The following ERG variants were observed in gnomAD, a reference collection of about 807,000 sequenced individuals.
The protein encoded by ERG is ETS transcription factor ERG.
In ERG, 9 loss-of-function variants were observed where a neutral mutation model predicts 55.3. That is an observed-to-expected ratio of 0.16 (90% CI 0.10 to 0.28). The LOEUF is 0.28. Ranked by LOEUF, ERG falls within the 10% of genes least tolerant of loss-of-function variation. The pLI, the probability that ERG is intolerant of heterozygous loss-of-function variation, is 1.00. For synonymous variants in ERG, 223 were observed against 237.3 expected (o/e 0.94, Z 0.55); for missense variants, 434 against 631.6 (o/e 0.69, Z 3.35).
chr21:38,383,147 T>C lies in ERG; in HGVS notation c.*256A>G, dbSNP rs1261710835. ...GTCCTTAAGACTTCATGCTTCTACATACACTGTCTTTTACAAGGTCAGTCC... is the reference window on the plus strand; with the variant it reads ...GTCCTTAAGACTTCATGCTTCTACACACACTGTCTTTTACAAGGTCAGTCC... On this transcript the variant is annotated 3_prime_UTR_variant, in exon 10 of 10. Coordinates refer to ENST00000288319, the MANE Select transcript of ERG (RefSeq NM_182918.4). This position sits in a 1 kb window ranked among gnomAD's most constrained non-coding sequence, Gnocchi z 5.7. The C allele has an allele frequency of 1.7e-6, 2 of 1,208,608 alleles. No homozygotes were observed. Among genetic ancestry groups the C allele is most frequent in the Non-Finnish European group, 2.1e-6 (2 of 971,152 alleles). 74.9% of individuals were successfully genotyped at this position (1,208,608 alleles called of 1,614,324 possible).
intron 2 of ERG, among the ~76,000 whole-genome samples, chr21:38,536,603 C>A (rs1219730421): frequency 1.3e-5 from 2 of 152,076 alleles, no homozygotes; most frequent in African/African-American, 4.8e-5. Context: ...TGTGTAGAAC[C>A]CAACACAGAG....
intron 1 of ERG, among the ~76,000 whole-genome samples, chr21:38,647,708 G>A (rs919148680): frequency 1.3e-5 from 2 of 152,152 alleles, no homozygotes; most frequent in Non-Finnish European, 2.9e-5. Context: ...GAAATACTAA[G>A]TTTTCTTTTA....
intron 1 of ERG, among the ~76,000 whole-genome samples, chr21:38,655,466 A>G (rs900689176): frequency 1.3e-5 from 2 of 152,218 alleles, no homozygotes; most frequent in Non-Finnish European, 2.9e-5. Flanking sequence ...AGCATTCAGC[A>G]TCTCCCACCA....
chr21:38,498,614 TTGA>T, upstream of ERG: 1 of 779,186 alleles, frequency 1.3e-6, no homozygotes, highest in Non-Finnish European at 1.8e-6. The surrounding 1 kb of genome is among the most constrained non-coding windows in gnomAD (Gnocchi z 4.6). Context: ...GTTGTTTTTC[TTGA>T]TGATATGCAG....
chr21:38,403,329 G>A (rs185172486), intron 4 of ERG, among the ~76,000 whole-genome samples, 177 bp downstream of exon 4: 11 of 152,156 alleles, frequency 7.2e-5, no homozygotes, highest in African/African-American at 2.2e-4. Context: ...AGGTGATGTG[G>A]CCAGGGTGTT....
At chr21:38,611,901 G>A (rs866992857) in intron 1 of ERG, among the ~76,000 whole-genome samples, 1 of 151,152 alleles carries the variant, frequency 6.6e-6, no homozygotes, top group East Asian at 1.9e-4. Flanking sequence ...TTTGTTTTCT[G>A]GTTTATAAAC....
At chr21:38,563,715 G>A (rs891172545) in intron 2 of ERG, among the ~76,000 whole-genome samples, 1 of 152,322 alleles carries the variant, frequency 6.6e-6, no homozygotes, top group Non-Finnish European at 1.5e-5. Flanking sequence ...CATACATAAC[G>A]TATAATGCAG....
At chr21:38,519,574 T>C (rs1407483279) in intron 2 of ERG, among the ~76,000 whole-genome samples, 3 of 152,078 alleles carry the variant, frequency 2.0e-5, no homozygotes, top group Admixed American at 2.0e-4. Context: ...CAACAGAAGA[T>C]AGAGGACAAA....
chr21:38,622,841 T>A (rs1486361709), intron 1 of ERG, among the ~76,000 whole-genome samples: 1 of 137,226 alleles, frequency 7.3e-6, no homozygotes, highest in Non-Finnish European at 1.5e-5. Flanking sequence ...CACCATGTGC[T>A]CATACATTCC....
upstream of ERG, among the ~76,000 whole-genome samples, chr21:38,501,438 T>C (rs2059420590): frequency 6.6e-6 from 1 of 152,126 alleles, no homozygotes; most frequent in African/African-American, 2.4e-5. Flanking sequence ...GGGGAAATTA[T>C]CTGAAGATAT....
At chr21:38,391,887 C>T (rs1159882377) in intron 7 of ERG, among the ~76,000 whole-genome samples, 172 bp from the exon 8 acceptor site, 1 of 151,216 alleles carries the variant, frequency 6.6e-6, no homozygotes, top group Admixed American at 6.6e-5. Context: ...CAAATGTAAA[C>T]ACTGTAACAA....
At chr21:38,573,805 G>A (rs2059978226) in intron 2 of ERG, among the ~76,000 whole-genome samples, 1 of 152,220 alleles carries the variant, frequency 6.6e-6, no homozygotes. Context: ...TTGTCTCTGT[G>A]TCTTATTTCT....
intron 1 of ERG, among the ~76,000 whole-genome samples, chr21:38,615,924 G>A (rs7276220): frequency 0.025 from 3,747 of 152,090 alleles, 49 homozygotes; most frequent in East Asian, 0.05. Flanking sequence ...TTCAGGCACT[G>A]TAGTCACACC....
chr21:38,483,777 C>A (rs1002618614), intron 1 of ERG, among the ~76,000 whole-genome samples: 10 of 152,146 alleles, frequency 6.6e-5, no homozygotes, highest in Non-Finnish European at 2.9e-5. Flanking sequence ...GCAGGGGAAT[C>A]TCTTGAACCC....
intron 1 of ERG, among the ~76,000 whole-genome samples, chr21:38,654,213 C>T (rs940307205): frequency 3.9e-5 from 6 of 152,244 alleles, no homozygotes; most frequent in Non-Finnish European, 7.3e-5. Flanking sequence ...CGCAGTGGCT[C>T]ACGCCTGTAA....
intron 1 of ERG, among the ~76,000 whole-genome samples, chr21:38,652,820 A>T (rs1287071516): frequency 6.6e-6 from 1 of 152,220 alleles, no homozygotes; most frequent in African/African-American, 2.4e-5. Context: ...GTTCACTGCC[A>T]TGCTGGCCCA....
At chr21:38,396,072 T>C (rs1308683730) in intron 6 of ERG, among the ~76,000 whole-genome samples, 1 of 151,982 alleles carries the variant, frequency 6.6e-6, no homozygotes, top group Non-Finnish European at 1.5e-5. Context: ...TGGGAACAGA[T>C]GAGATTTGCC....
chr21:38,503,435 G>A (rs150600150), upstream of ERG, among the ~76,000 whole-genome samples: 186 of 151,206 alleles, frequency 1.2e-3, 6 homozygotes, highest in East Asian at 0.03. Flanking sequence ...CCATCTATGC[G>A]GCATTAATCC....
At chr21:38,445,141 T>C (rs55720726) in intron 2 of ERG, among the ~76,000 whole-genome samples, 27,400 of 136,910 alleles carry the variant, frequency 0.2, 1,819 homozygotes, top group Non-Finnish European at 0.23. Flanking sequence ...TCTTCTTCTT[T>C]TTTTTTTTTT....
Sources: gnomAD v4.1 joint callset for allele counts (sites outside exome capture counted in the v4.1 genomes callset) on GRCh38, gnomAD v4.1.1 for gene constraint, Gnocchi (gnomAD v3.1) non-coding constraint, MANE v1.5 for transcripts, NCBI Gene and HGNC (gene_info 2026-07-23, HGNC 2026-07-21) for gene names.